Variants in MTUS1 observed in about 807,000 individuals in gnomAD.
MTUS1 encodes the protein microtubule associated scaffold protein 1.
In MTUS1, 109 loss-of-function variants were observed where a neutral mutation model predicts 120.8. The ratio of observed to expected loss-of-function variants is 0.90; its 90% CI spans 0.77 to 1.06. The LOEUF is 1.06. MTUS1 is among the 50% of genes least tolerant of loss of function. The probability of loss-of-function intolerance (pLI) is 0.00; values close to 1 mark genes in which losing one functional copy is unlikely to be tolerated. For synonymous variants in MTUS1, 737 were observed against 550.5 expected (o/e 1.34, Z -4.74); for missense variants, 2,210 against 1,486.3 (o/e 1.49, Z -8.01).
At chr8:17,745,452 GA>G (rs2047672366) in intron 2 of MTUS1, among the ~76,000 whole-genome samples, 1 of 152,188 alleles carries the variant, frequency 6.6e-6, no homozygotes, top group Non-Finnish European at 1.5e-5. Context: ...AAACACTGCA[GA>G]TTTTTTTTCT....
chr8:17,659,323 C>A (rs1436130674), intron 8 of MTUS1, among the ~76,000 whole-genome samples: 1 of 152,118 alleles, frequency 6.6e-6, no homozygotes, highest in African/African-American at 2.4e-5. Flanking sequence ...GGGAGTGGCA[C>A]TCAGGATAGT....
intron 3 of MTUS1, among the ~76,000 whole-genome samples, chr8:17,727,121 G>A (rs933520058): frequency 2.0e-5 from 3 of 152,086 alleles, no homozygotes; most frequent in African/African-American, 7.2e-5. Context: ...ACACCTAATG[G>A]CAGCCAGTCC....
At chr8:17,712,545 G>A (rs534858722) in intron 6 of MTUS1, among the ~76,000 whole-genome samples, 1 of 151,980 alleles carries the variant, frequency 6.6e-6, no homozygotes, top group South Asian at 2.1e-4. Context: ...CACCATGTTG[G>A]CCAGGCTGGT....
At chr8:17,761,932 C>A (rs1462372197) in intron 1 of MTUS1, among the ~76,000 whole-genome samples, 1 of 152,076 alleles carries the variant, frequency 6.6e-6, no homozygotes, top group Admixed American at 6.5e-5. Context: ...TCCCTTGAAT[C>A]AAAAAAGATG....
chr8:17,722,061 A>G lies in MTUS1; in HGVS notation c.2449+1611T>C. On this transcript the variant is annotated intron_variant, in intron 4 of 14. Coordinates refer to ENST00000693296, the MANE Select transcript of MTUS1 (RefSeq NM_001363059.2). ...ACAGATTAAACCAGCTAGCAAATCAAACTAAGAAAGAGACTCACTGATTTG... is the reference window on the plus strand; with the variant it reads ...ACAGATTAAACCAGCTAGCAAATCAGACTAAGAAAGAGACTCACTGATTTG... 3 of 1,323,872 alleles carry G rather than the reference A, an allele frequency of 2.3e-6. No homozygotes were observed. The South Asian group carries it at 7.2e-5, about 32-fold the overall frequency. 82.0% of individuals were successfully genotyped at this position (1,323,872 alleles called of 1,614,324 possible).
intron 6 of MTUS1, among the ~76,000 whole-genome samples, chr8:17,690,344 C>T (rs1002866378): frequency 6.6e-6 from 1 of 152,218 alleles, no homozygotes; most frequent in Admixed American, 6.5e-5. Flanking sequence ...ATACCATTTC[C>T]TATCAGCCAG....
At chr8:17,689,421 T>C (rs1387795485) in intron 6 of MTUS1, among the ~76,000 whole-genome samples, 2 of 152,184 alleles carry the variant, frequency 1.3e-5, no homozygotes, top group African/African-American at 4.8e-5. Flanking sequence ...TATTCGAGAA[T>C]AGAAAGCATA....
chr8:17,654,343 A>G, intron 10 of MTUS1: 1 of 565,062 alleles, frequency 1.8e-6, no homozygotes, highest in East Asian at 2.9e-5. Context: ...AGCCCATCCT[A>G]TTTAACACAA....
At chr8:17,715,420 A>G (rs1005357787) in intron 5 of MTUS1, among the ~76,000 whole-genome samples, 2 of 152,184 alleles carry the variant, frequency 1.3e-5, no homozygotes, top group Non-Finnish European at 2.9e-5. Flanking sequence ...AAGTACAGTA[A>G]TAAACATAAA....
rs1805315659 is a variant in MTUS1 at position 17,643,854 on chromosome 8, C to T, written c.*2072G>A. The T allele has an allele frequency of 6.6e-6, 1 of 152,238 alleles. No individual in the cohort carries two copies. The highest frequency in any genetic ancestry group is 2.4e-5 in the African/African-American group (1 of 41,460). The allele number at this position is 152,238 out of a possible 1,614,324, so 9.4% of individuals were successfully genotyped here. On this transcript the variant is annotated 3_prime_UTR_variant, in exon 15 of 15. Transcript: ENST00000693296. ...TCAGAGTAAAATACACTTCCCATCACTACAAACTGAGCACAACTACAGTTG... is the reference window on the plus strand; with the variant it reads ...TCAGAGTAAAATACACTTCCCATCATTACAAACTGAGCACAACTACAGTTG...
At chr8:17,702,290 T>C (rs1251826513) in intron 6 of MTUS1, among the ~76,000 whole-genome samples, 1 of 152,230 alleles carries the variant, frequency 6.6e-6, no homozygotes, top group Non-Finnish European at 1.5e-5. Context: ...CACATTATTT[T>C]AACTCATATT....
At chr8:17,672,123 A>G (rs1381785173) in intron 8 of MTUS1, among the ~76,000 whole-genome samples, 1 of 152,122 alleles carries the variant, frequency 6.6e-6, no homozygotes, top group Non-Finnish European at 1.5e-5. Flanking sequence ...GAGTTTGAAG[A>G]GCCTGTCGTT....
At chr8:17,793,632 A>C (rs1208783805) in intron 1 of MTUS1, among the ~76,000 whole-genome samples, 1 of 152,188 alleles carries the variant, frequency 6.6e-6, no homozygotes, top group Non-Finnish European at 1.5e-5. Context: ...TGTAGCAAAA[A>C]TATACTGGAA....
intron 12 of MTUS1, 55 bp downstream of exon 12, chr8:17,653,131 A>G: frequency 9.7e-7 from 1 of 1,033,690 alleles, no homozygotes; most frequent in Non-Finnish European, 1.4e-6. Flanking sequence ...GAATGACTCT[A>G]AAAGGCAACT....
intron 2 of MTUS1, among the ~76,000 whole-genome samples, chr8:17,752,814 T>C (rs902212083): frequency 2.6e-5 from 4 of 152,162 alleles, no homozygotes; most frequent in African/African-American, 9.7e-5. Flanking sequence ...GGACAGCCTG[T>C]CTGGGGCTGA....
rs754778034 is a variant in MTUS1 at position 17,743,780 on chromosome 8, G to T, written c.2111C>A (p.Thr704Lys). Residue 704 changes from threonine to lysine, a missense_variant, in exon 3 of 15, where the codon ACG (threonine) becomes AAG (lysine). Physicochemically the swap from Thr to Lys is moderately conservative, Grantham distance 78. Coordinates refer to ENST00000693296, the MANE Select transcript of MTUS1 (RefSeq NM_001363059.2). ...GGATATATTCCTACCTGAGGTGGTC[G>T]TTGTTTTTGAAGCAGAGCCCTGTGA... The part of the protein sequence containing the change: ...SLFLGSASKT[T>K]TTSGRNISKP... 1.2e-6 allele frequency: 2 copies of T among 1,613,666 alleles called. No individual in the cohort carries two copies. The highest frequency in any genetic ancestry group is 3.3e-5 in the Admixed American group (2 of 59,952).
chr8:17,659,332 G>C (rs1049589112), intron 8 of MTUS1, among the ~76,000 whole-genome samples: 6 of 152,194 alleles, frequency 3.9e-5, no homozygotes, highest in Admixed American at 6.5e-5. Flanking sequence ...ACTCAGGATA[G>C]TTTACGTCCA....
intron 1 of MTUS1, among the ~76,000 whole-genome samples, chr8:17,762,246 T>A (rs149093710): frequency 0.051 from 7,804 of 152,220 alleles, 257 homozygotes; most frequent in East Asian, 0.1. Flanking sequence ...ACCACCACAC[T>A]CCAGCCCAGG....
At chr8:17,660,417 T>G (rs975846635) in intron 8 of MTUS1, among the ~76,000 whole-genome samples, 2 of 152,122 alleles carry the variant, frequency 1.3e-5, no homozygotes, top group African/African-American at 2.4e-5. Flanking sequence ...CAGATGACAT[T>G]TGTGTATCCA....
Sources: gnomAD v4.1 joint callset for allele counts (sites outside exome capture counted in the v4.1 genomes callset) on GRCh38, gnomAD v4.1.1 for gene constraint, MANE v1.5 for transcripts, NCBI Gene and HGNC (gene_info 2026-07-23, HGNC 2026-07-21) for gene names.